Variants in SCAPER observed in about 807,000 individuals in gnomAD.
SCAPER encodes S-phase cyclin A associated protein in the ER, also known as S phase cyclin A-associated protein in the endoplasmic reticulum.
SCAPER carries 98 observed loss-of-function variants against 182.2 expected under a neutral mutation model. The ratio of observed to expected loss-of-function variants is 0.54; its 90% CI spans 0.46 to 0.64. The LOEUF is 0.64. Ranked by LOEUF, SCAPER falls within the 30% of genes least tolerant of loss-of-function variation. SCAPER has a pLI of 0.00. For synonymous variants in SCAPER, 605 were observed against 564.6 expected, an observed-to-expected ratio of 1.07 and a Z score of -1.01; for missense variants, 1,432 against 1,690.0, an observed-to-expected ratio of 0.85 and a Z score of 2.68.
Position 76,671,137 on chromosome 15 carries a change from C to A in SCAPER, c.2509-5348G>T, listed in dbSNP as rs187004189. 6.0e-3 allele frequency among the ~76,000 whole-genome samples: 903 copies of A among 151,232 alleles called. 4 individuals are homozygous for A. Among genetic ancestry groups the A allele is most frequent in the African/African-American group, 0.021 (870 of 41,210 alleles). On this transcript the variant is annotated intron_variant, in intron 20 of 31. Transcript: ENST00000563290. ...GGGTGGATCGTCGAGCCCAGGAGTT[C>A]GAGATCAACCTGGGCAACATGGAAA...
chr15:76,430,860 A>C (rs2142493986), intron 26 of SCAPER, among the ~76,000 whole-genome samples: 1 of 152,266 alleles, frequency 6.6e-6, no homozygotes, highest in East Asian at 1.9e-4. Flanking sequence ...GGGTGGAATA[A>C]TGTGGTTTGG....
intron 15 of SCAPER, among the ~76,000 whole-genome samples, chr15:76,737,133 T>G (rs899228929): frequency 1.7e-4 from 26 of 152,224 alleles, no homozygotes; most frequent in African/African-American, 6.3e-4. Flanking sequence ...GTGAGTCCTT[T>G]CCAGAAAGTC....
chr15:76,724,232 T>C (rs938722146), intron 17 of SCAPER, among the ~76,000 whole-genome samples: 10 of 151,396 alleles, frequency 6.6e-5, no homozygotes, highest in African/African-American at 2.2e-4. Flanking sequence ...ATTCTTTTCT[T>C]TAAGAATGTT....
chr15:76,831,073 T>C (rs1333237577), intron 5 of SCAPER, among the ~76,000 whole-genome samples: 1 of 151,638 alleles, frequency 6.6e-6, no homozygotes, highest in Admixed American at 6.6e-5. Context: ...GCCTGGGGAG[T>C]TGGCAGAGAA....
intron 27 of SCAPER, among the ~76,000 whole-genome samples, chr15:76,399,961 C>T (rs1271300366): frequency 3.4e-5 from 5 of 148,010 alleles, no homozygotes; most frequent in African/African-American, 1.3e-4. Flanking sequence ...GCCGAGATGG[C>T]GCCACTGCAC....
intron 4 of SCAPER, among the ~76,000 whole-genome samples, chr15:76,845,535 T>C (rs1441274617): frequency 6.6e-6 from 1 of 151,658 alleles, no homozygotes; most frequent in African/African-American, 2.4e-5. Context: ...AAAGTCAACA[T>C]ACAAAAACCA....
chr15:76,775,060 C>T lies in SCAPER; in HGVS notation c.830G>A (p.Arg277Gln), dbSNP rs1269787028. ...TVQRGRPIRS[R>Q]STAVMPKVSL... is the part of the protein sequence containing the mutation. ...AACTTTTGGCATCACTGCTGTTGAT[C>T]GAGAACGAATAGGCCTTCCTCTCTG... The change falls in exon 9 of 32, where the codon CGA becomes CAA. Residue 277 changes from arginine to glutamine, a missense_variant. Physicochemically the swap from Arg to Gln is conservative, Grantham distance 43 (BLOSUM62 1). Transcript: ENST00000563290. 7 of 1,613,558 alleles carry T rather than the reference C, an allele frequency of 4.3e-6. No individual in the cohort carries two copies. Among genetic ancestry groups the T allele is most frequent in the Middle Eastern group, 1.6e-4 (1 of 6,080 alleles).
intron 26 of SCAPER, among the ~76,000 whole-genome samples, chr15:76,428,221 A>G (rs1203624275): frequency 6.6e-6 from 1 of 152,218 alleles, no homozygotes; most frequent in Non-Finnish European, 1.5e-5. Flanking sequence ...ATGGAAATAG[A>G]ACTACTGTAT....
chr15:76,404,442 C>A, intron 27 of SCAPER, 82 bp downstream of exon 27: 1 of 1,369,064 alleles, frequency 7.3e-7, no homozygotes, highest in Non-Finnish European at 9.8e-7. Context: ...ACTTGAATTC[C>A]TATGAAATGA....
intron 30 of SCAPER, among the ~76,000 whole-genome samples, chr15:76,351,763 T>G (rs2040564127): frequency 1.3e-5 from 2 of 152,200 alleles, no homozygotes; most frequent in South Asian, 4.1e-4. Flanking sequence ...AGTAACTCAG[T>G]TATAATGTAA....
intron 23 of SCAPER, among the ~76,000 whole-genome samples, chr15:76,518,731 C>G (rs1438084189): frequency 6.6e-6 from 1 of 152,200 alleles, no homozygotes; most frequent in Non-Finnish European, 1.5e-5. Context: ...AACCACCTTT[C>G]AGCACGGGGA....
Position 76,397,190 on chromosome 15 carries a change from TAATG to T in SCAPER, c.3467+7330_3467+7333del, listed in dbSNP as rs534648632. ...TCCTGGGATAAATCCCACTTGATCA[TAATG>T]AATGATCTTTTTTGCTGAATTTGGT... On this transcript the variant is annotated intron_variant, in intron 27 of 31. Transcript: ENST00000563290. 3.9e-5 allele frequency among the ~76,000 whole-genome samples: 6 copies of T among 152,288 alleles called. 1 individual carries two copies. The South Asian group carries it at 1.2e-3, about 32-fold the overall frequency.
intron 1 of SCAPER, among the ~76,000 whole-genome samples, chr15:76,890,627 G>A (rs2074111580): frequency 6.6e-6 from 1 of 152,194 alleles, no homozygotes; most frequent in Non-Finnish European, 1.5e-5. Flanking sequence ...GGAAGAAGCT[G>A]AATCTCTGAA....
intron 21 of SCAPER, among the ~76,000 whole-genome samples, chr15:76,632,578 C>T (rs974603939): frequency 6.6e-6 from 1 of 152,084 alleles, no homozygotes; most frequent in Non-Finnish European, 1.5e-5. Flanking sequence ...TTCATTATTA[C>T]CCATCTTCTG....
chr15:76,750,434 C>T (rs1323285271), intron 15 of SCAPER, among the ~76,000 whole-genome samples: 2 of 151,802 alleles, frequency 1.3e-5, no homozygotes, highest in South Asian at 2.1e-4. Flanking sequence ...CTCATTCTAT[C>T]GGGCCAGCAT....
At chr15:76,871,099 G>C (rs1217672882) in intron 2 of SCAPER, among the ~76,000 whole-genome samples, 1 of 152,074 alleles carries the variant, frequency 6.6e-6, no homozygotes, top group African/African-American at 2.4e-5. Flanking sequence ...AGAAATATGT[G>C]AAAATATCTA....
At chr15:76,440,908 TTTTTTTTTTG>T (rs1289714544) in intron 25 of SCAPER, among the ~76,000 whole-genome samples, 12 of 33,394 alleles carry the variant, frequency 3.6e-4, no homozygotes, top group African/African-American at 1.1e-3. Flanking sequence ...CCCCTTCTGG[TTTTTTTTTTG>T]TTTTTTTTTT....
At chr15:76,724,658 C>G (rs1041242976) in intron 17 of SCAPER, among the ~76,000 whole-genome samples, 4 of 152,082 alleles carry the variant, frequency 2.6e-5, no homozygotes, top group Non-Finnish European at 4.4e-5. Flanking sequence ...CTTCTCTTCA[C>G]GCTTCATTTC....
At chr15:76,689,786 T>C (rs938777011) in intron 20 of SCAPER, among the ~76,000 whole-genome samples, 3 of 150,772 alleles carry the variant, frequency 2.0e-5, no homozygotes, top group Admixed American at 2.0e-4. Context: ...GATTATAAAA[T>C]GCCAGTAAAG....
Sources: allele counts gnomAD v4.1 joint callset (sites outside exome capture counted in the v4.1 genomes callset), GRCh38; gene constraint gnomAD v4.1.1; transcripts MANE v1.5; gene names NCBI Gene and HGNC (gene_info 2026-07-23, HGNC 2026-07-21).